The following SLC8A1 variants were observed in gnomAD, a reference collection of about 807,000 sequenced individuals.
SLC8A1 encodes the protein solute carrier family 8 member A1.
In SLC8A1, 18 loss-of-function variants were observed where a neutral mutation model predicts 68.3. The ratio of observed to expected loss-of-function variants is 0.26; its 90% CI spans 0.18 to 0.39. SLC8A1 has a LOEUF of 0.39. Among genes scored for constraint, SLC8A1 ranks in the 10% least tolerant of loss-of-function variants. The pLI is 1.00. For synonymous variants in SLC8A1, 475 were observed against 415.5 expected (o/e 1.14, Z -1.74); for missense variants, 985 against 1,156.7 (o/e 0.85, Z 2.15).
chr2:40,294,094 T>C (rs74481916), intron 2 of SLC8A1, among the ~76,000 whole-genome samples: 1,945 of 152,238 alleles, frequency 0.013, 47 homozygotes, highest in African/African-American at 0.044. Flanking sequence ...TGCACTGAGA[T>C]ATCTTTATGC....
chr2:40,464,277 G>A (rs1576619024), intron 1 of SLC8A1, among the ~76,000 whole-genome samples: 1 of 152,200 alleles, frequency 6.6e-6, no homozygotes, highest in Admixed American at 6.5e-5. Flanking sequence ...AGAAATATTG[G>A]TAGCCAATGT....
chr2:40,368,526 G>A (rs142373922), intron 2 of SLC8A1, among the ~76,000 whole-genome samples: 4,167 of 151,912 alleles, frequency 0.027, 79 homozygotes, highest in Non-Finnish European at 0.041. Context: ...GGGATTTACT[G>A]ATTTTATTTA....
At chr2:40,350,587 C>CAAAAA (rs572258156) in intron 2 of SLC8A1, among the ~76,000 whole-genome samples, 126 of 76,236 alleles carry the variant, frequency 1.7e-3, no homozygotes, top group Non-Finnish European at 2.2e-3. Flanking sequence ...CCCAGACAAG[C>CAAAAA]AAAAAAAAAA....
At chr2:40,163,621 G>A (rs2046051489) in intron 5 of SLC8A1, among the ~76,000 whole-genome samples, 2 of 152,192 alleles carry the variant, frequency 1.3e-5, no homozygotes, top group African/African-American at 4.8e-5. Flanking sequence ...CAAGTTCTGT[G>A]TCATACAATG....
chr2:40,295,945 A>C (rs913311751), intron 2 of SLC8A1, among the ~76,000 whole-genome samples: 1 of 152,138 alleles, frequency 6.6e-6, no homozygotes, highest in Admixed American at 6.6e-5. Flanking sequence ...CAGTGTACCC[A>C]AGGAAAGGAG....
intron 2 of SLC8A1, among the ~76,000 whole-genome samples, chr2:40,228,966 A>G (rs1363923742): frequency 6.6e-6 from 1 of 152,200 alleles, no homozygotes; most frequent in Non-Finnish European, 1.5e-5. Context: ...AGAAAGGAAA[A>G]GCAAGCATAA....
chr2:40,151,842 A>AAAGAT (rs2043498757), intron 6 of SLC8A1, among the ~76,000 whole-genome samples: 1 of 152,190 alleles, frequency 6.6e-6, no homozygotes. Context: ...AGGTTTTATA[A>AAAGAT]AAGATAAAGT....
At chr2:40,148,137 C>T (rs974570204) in intron 6 of SLC8A1, among the ~76,000 whole-genome samples, 1 of 152,202 alleles carries the variant, frequency 6.6e-6, no homozygotes, top group African/African-American at 2.4e-5. Flanking sequence ...AATGTCTCTC[C>T]TCCTTAAATT....
intron 2 of SLC8A1, chr2:40,254,595 T>TTTTTATTATTTCTAATTTTCC (rs1357542405): frequency 3.3e-5 from 5 of 152,166 alleles, no homozygotes; most frequent in African/African-American, 1.2e-4. Context: ...AAAAATTTCT[T>TTTTTATTATTTCTAATTTTCC]TTTTATTATT....
chr2:40,110,409 A>G (rs185286262), exon 8 of SLC8A1: 1 of 152,222 alleles, frequency 6.6e-6, no homozygotes, highest in Non-Finnish European at 1.5e-5. Context: ...TAGCAGAACT[A>G]CATTCTATTA....
chr2:40,353,844 C>G (rs1243331846), intron 2 of SLC8A1, among the ~76,000 whole-genome samples: 3 of 152,176 alleles, frequency 2.0e-5, no homozygotes, highest in East Asian at 3.9e-4. Flanking sequence ...AGGTAAACCT[C>G]TTAAGGAGAG....
intron 2 of SLC8A1, among the ~76,000 whole-genome samples, chr2:40,248,238 G>A (rs1195265021): frequency 6.6e-6 from 1 of 152,116 alleles, no homozygotes; most frequent in African/African-American, 2.4e-5. Context: ...ATTTGAAATT[G>A]ATTTCTAAGT....
intron 2 of SLC8A1, among the ~76,000 whole-genome samples, chr2:40,315,741 G>C (rs1399879948): frequency 6.6e-6 from 1 of 151,890 alleles, no homozygotes. Flanking sequence ...CAATCATCTT[G>C]GAGACTTATT....
intron 1 of SLC8A1, among the ~76,000 whole-genome samples, chr2:40,482,891 C>T (rs538976509): frequency 4.2e-4 from 63 of 150,328 alleles, no homozygotes; most frequent in African/African-American, 1.5e-3. Flanking sequence ...CCCGGGTTCA[C>T]GCCATTCTCC....
intron 1 of SLC8A1, among the ~76,000 whole-genome samples, chr2:40,488,290 T>G (rs1209157733): frequency 2.0e-5 from 3 of 151,650 alleles, no homozygotes; most frequent in Non-Finnish European, 2.9e-5. Context: ...TCTCCCCTCC[T>G]GCTAGCTCAC....
intron 2 of SLC8A1, among the ~76,000 whole-genome samples, chr2:40,233,360 T>G (rs1214129522): frequency 6.6e-6 from 1 of 152,066 alleles, no homozygotes; most frequent in Non-Finnish European, 1.5e-5. Context: ...TGATGAGCAT[T>G]TTTTCATGTG....
intron 2 of SLC8A1, among the ~76,000 whole-genome samples, chr2:40,340,374 G>A (rs1327591057): frequency 4.6e-5 from 7 of 151,972 alleles, no homozygotes; most frequent in African/African-American, 7.3e-5. Flanking sequence ...CAGCCTGGCC[G>A]ACATGGTGAA....
At chr2:40,476,899 T>C (rs1234984207) in intron 1 of SLC8A1, among the ~76,000 whole-genome samples, 3 of 152,210 alleles carry the variant, frequency 2.0e-5, no homozygotes, top group Admixed American at 2.0e-4. Flanking sequence ...TCTTGTTCTT[T>C]CCTTTATTTA....
intron 1 of SLC8A1, among the ~76,000 whole-genome samples, chr2:40,461,838 C>G (rs1703355556): frequency 6.6e-6 from 1 of 151,974 alleles, no homozygotes; most frequent in Non-Finnish European, 1.5e-5. Context: ...TGACATCTTT[C>G]TGACACTGTT....
Sources: allele counts gnomAD v4.1 joint callset (sites outside exome capture counted in the v4.1 genomes callset), GRCh38; gene constraint gnomAD v4.1.1; transcripts MANE v1.5; gene names NCBI Gene and HGNC (gene_info 2026-07-23, HGNC 2026-07-21).